CPN1: variants seen among roughly 807,000 people sequenced by gnomAD.
The protein encoded by CPN1 is carboxypeptidase N catalytic chain.
A neutral mutation model predicts 46.4 loss-of-function variants in CPN1; 37 were observed. The ratio of observed to expected loss-of-function variants is 0.80; its 90% confidence interval spans 0.61 to 1.05. The LOEUF is 1.05. Ranked by LOEUF, CPN1 falls within the 50% of genes least tolerant of loss-of-function variation. The probability of loss-of-function intolerance (pLI) is 0.00; values close to 1 mark genes in which losing one functional copy is unlikely to be tolerated. For missense variants in CPN1, 563 were observed against 602.6 expected (o/e 0.93, Z 0.69); for synonymous variants, 224 against 235.4 (o/e 0.95, Z 0.44).
chr10:100,068,804 G>T (rs1027582140), intron 3 of CPN1, among the ~76,000 whole-genome samples: 3 of 152,174 alleles, frequency 2.0e-5, no homozygotes, highest in Non-Finnish European at 4.4e-5. Context: ...TTCCCAAAGT[G>T]CTGGGATTAC....
intron 7 of CPN1, 82 bp downstream of exon 7, chr10:100,054,265 C>T (rs2041372507): frequency 1.1e-5 from 12 of 1,125,652 alleles, no homozygotes; most frequent in Non-Finnish European, 1.2e-5. Context: ...GTTTCACTAG[C>T]TTACAAACTG....
chr10:100,052,941 T>C (rs1046535264), intron 7 of CPN1, among the ~76,000 whole-genome samples: 2 of 152,116 alleles, frequency 1.3e-5, no homozygotes, highest in South Asian at 2.1e-4. Context: ...TTGGGCAACA[T>C]AGTGAGACCC....
chr10:100,054,235 C>G, intron 7 of CPN1, 112 bp downstream of exon 7: 1 of 824,014 alleles, frequency 1.2e-6, no homozygotes, highest in Non-Finnish European at 2.1e-6. Context: ...CCACTCCCAG[C>G]ATCCTTGACA....
chr10:100,068,547 T>TTTTG (rs936535544), intron 3 of CPN1, among the ~76,000 whole-genome samples: 1 of 151,756 alleles, frequency 6.6e-6, no homozygotes, highest in Non-Finnish European at 1.5e-5. Flanking sequence ...TGAACTTTTT[T>TTTTG]TTTGTTTGTT....
intron 5 of CPN1, among the ~76,000 whole-genome samples, chr10:100,061,799 A>G (rs557934255): frequency 5.9e-5 from 9 of 152,292 alleles, no homozygotes; most frequent in African/African-American, 1.9e-4. Context: ...AATGCAAACT[A>G]AAGAAAGTAA....
intron 1 of CPN1, among the ~76,000 whole-genome samples, chr10:100,077,729 ATT>A (rs1029815527): frequency 6.6e-6 from 1 of 151,958 alleles, no homozygotes; most frequent in Non-Finnish European, 1.5e-5. Flanking sequence ...ATCTTAGTGT[ATT>A]TTTTTAAATC....
chr10:100,067,943 G>A (rs574273320), intron 3 of CPN1, among the ~76,000 whole-genome samples: 3 of 151,954 alleles, frequency 2.0e-5, no homozygotes, highest in African/African-American at 7.2e-5. Context: ...CACAAGGCCA[G>A]GAGTTCGAGA....
At chr10:100,043,855 A>G (rs1003350641) in intron 8 of CPN1, among the ~76,000 whole-genome samples, 1 of 151,932 alleles carries the variant, frequency 6.6e-6, no homozygotes, top group Non-Finnish European at 1.5e-5. Context: ...GCATCCTTTC[A>G]AGCACTACAT....
chr10:100,064,945 C>A (rs1001828692), intron 4 of CPN1, among the ~76,000 whole-genome samples: 1 of 152,084 alleles, frequency 6.6e-6, no homozygotes, highest in Non-Finnish European at 1.5e-5. Flanking sequence ...TCATCATTAG[C>A]CTAAGTATTT....
At chr10:100,042,894 C>T (rs1380370440) in intron 8 of CPN1, among the ~76,000 whole-genome samples, 4 of 151,716 alleles carry the variant, frequency 2.6e-5, no homozygotes, top group African/African-American at 9.7e-5. Context: ...GAGTTCAAGA[C>T]CACACCGGGC....
intron 5 of CPN1, among the ~76,000 whole-genome samples, chr10:100,062,257 G>A (rs1423520705): frequency 1.3e-5 from 2 of 152,192 alleles, no homozygotes; most frequent in African/African-American, 2.4e-5. Context: ...GCTCATAAAC[G>A]GAGGTTCTAT....
At chr10:100,048,904 C>A in intron 7 of CPN1, 28 bp from the exon 8 acceptor site, 1 of 1,542,838 alleles carries the variant, frequency 6.5e-7, no homozygotes, top group South Asian at 1.1e-5. Context: ...ATAACTCAGT[C>A]TACTGATTAA....
chr10:100,078,220 TA>T (rs199584075), intron 1 of CPN1, among the ~76,000 whole-genome samples: 4 of 150,368 alleles, frequency 2.7e-5, no homozygotes, highest in African/African-American at 4.9e-5. Flanking sequence ...GCTAATTTTC[TA>T]AAAAAAAAAT....
intron 1 of CPN1, among the ~76,000 whole-genome samples, chr10:100,077,529 C>T (rs1325828144): frequency 6.6e-6 from 1 of 152,142 alleles, no homozygotes; most frequent in Non-Finnish European, 1.5e-5. Flanking sequence ...TTGCACCCGG[C>T]TGGGTTTTAC....
In CPN1 at chr10:100,052,290, C is replaced by T. The variant is rs185253845; in HGVS notation, c.1111+2057G>A. On this transcript the variant is annotated intron_variant, in intron 7 of 8. Coordinates refer to ENST00000370418, the MANE Select transcript of CPN1 (RefSeq NM_001308.3). ...TTCACCATGTTGCCTAGGCTGGTTG[C>T]GAATTCCTGAGCTCAGGCAATCCCC... Among the ~76,000 whole-genome samples the T allele has an allele frequency of 5.5e-3, 840 of 152,036 alleles. 13 individuals carry two copies. Among genetic ancestry groups the T allele is most frequent in the African/African-American group, 0.018 (761 of 41,486 alleles).
intron 7 of CPN1, among the ~76,000 whole-genome samples, chr10:100,049,698 C>G (rs1010136884): frequency 6.6e-6 from 1 of 152,192 alleles, no homozygotes; most frequent in Non-Finnish European, 1.5e-5. Flanking sequence ...TGAGCCACTG[C>G]CCCCAGCCTG....
chr10:100,078,049 C>CT (rs1000219033), intron 1 of CPN1, among the ~76,000 whole-genome samples: 5 of 151,520 alleles, frequency 3.3e-5, no homozygotes, highest in Non-Finnish European at 5.9e-5. Flanking sequence ...TTTTCTTTTT[C>CT]TTTTTTTTAA....
In CPN1 at chr10:100,063,622, A is replaced by G. The variant is rs1433683241; in HGVS notation, c.863T>C (p.Leu288Pro). ...CCCAGGACTCCCCTTACCCTTGCTG[A>G]GAGAATACCAGGAAGCCCCATTGGT... ...GITNGASWYS[L>P]SKGMQDFNYL... The change falls in exon 5 of 9, where the codon CTC becomes CCC. Residue 288 changes from leucine (L) to proline (P), a missense_variant. Coordinates refer to ENST00000370418, the MANE Select transcript of CPN1 (RefSeq NM_001308.3). 5.0e-6 allele frequency: 8 copies of G among 1,612,504 alleles called. No individual in the cohort carries two copies.
chr10:100,056,594 G>A (rs2041385681), intron 6 of CPN1, among the ~76,000 whole-genome samples: 1 of 152,076 alleles, frequency 6.6e-6, no homozygotes, highest in African/African-American at 2.4e-5. Context: ...TGCCCAGGCT[G>A]GAGTGCAATG....
Sources: allele counts gnomAD v4.1 joint callset (sites outside exome capture counted in the v4.1 genomes callset), GRCh38; gene constraint gnomAD v4.1.1; transcripts MANE v1.5; gene names NCBI Gene and HGNC (gene_info 2026-07-23, HGNC 2026-07-21).